The following BANK1 variants were observed in gnomAD, a reference collection of about 807,000 sequenced individuals.
BANK1 encodes B-cell scaffold protein with ankyrin repeats.
Under a neutral mutation model 94.5 loss-of-function variants are expected in BANK1, and 95 were observed. That is an observed-to-expected ratio of 1.00 (90% confidence interval 0.85 to 1.19). BANK1 has a LOEUF of 1.19. BANK1 is among the 50% of genes most tolerant of loss of function. BANK1 has a pLI of 0.00. For synonymous variants in BANK1, 334 were observed against 308.4 expected, an observed-to-expected ratio of 1.08 and a Z score of -0.87; for missense variants, 987 against 932.2, an observed-to-expected ratio of 1.06 and a Z score of -0.77.
At chr4:101,967,043 T>C (rs1317038655) in intron 7 of BANK1, among the ~76,000 whole-genome samples, 4 of 152,112 alleles carry the variant, frequency 2.6e-5, no homozygotes, top group African/African-American at 9.7e-5. Flanking sequence ...TTAGTCCAAT[T>C]TATTAATCGT....
chr4:101,892,821 C>T (rs1721926890), intron 5 of BANK1, among the ~76,000 whole-genome samples: 5 of 151,746 alleles, frequency 3.3e-5, no homozygotes, highest in Admixed American at 3.3e-4. Context: ...AATTTCAATG[C>T]CAATGTTTAG....
chr4:101,831,829 G>A (rs1378420348), intron 2 of BANK1, among the ~76,000 whole-genome samples: 1 of 152,120 alleles, frequency 6.6e-6, no homozygotes, highest in Non-Finnish European at 1.5e-5. Context: ...TATACATAAT[G>A]GTTATATCAG....
intron 1 of BANK1, among the ~76,000 whole-genome samples, chr4:101,807,312 G>A (rs1424495455): frequency 6.6e-6 from 1 of 152,094 alleles, no homozygotes; most frequent in East Asian, 1.9e-4. Flanking sequence ...AATCACTACT[G>A]CCATAAGTAG....
chr4:101,877,582 G>T (rs1016317202), intron 5 of BANK1, among the ~76,000 whole-genome samples: 1 of 151,852 alleles, frequency 6.6e-6, no homozygotes, highest in African/African-American at 2.4e-5. Context: ...TTGCTCGTAT[G>T]TTTGTTAGTA....
intron 5 of BANK1, among the ~76,000 whole-genome samples, chr4:101,894,378 G>A (rs1721991274): frequency 1.3e-5 from 2 of 151,918 alleles, no homozygotes; most frequent in South Asian, 2.1e-4. Context: ...TTCTTAGCAC[G>A]ACTTTCAAGA....
At chr4:101,907,609 C>A (rs1449435831) in intron 6 of BANK1, among the ~76,000 whole-genome samples, 1 of 152,170 alleles carries the variant, frequency 6.6e-6, no homozygotes, top group African/African-American at 2.4e-5. Context: ...AAGAGGAAGT[C>A]AAATTGTCCC....
chr4:101,936,268 C>A (rs1037572788), intron 7 of BANK1, among the ~76,000 whole-genome samples: 1 of 149,746 alleles, frequency 6.7e-6, no homozygotes, highest in African/African-American at 2.4e-5. Flanking sequence ...TACATGTATG[C>A]ATACATGTAT....
rs1721896929 is a variant in BANK1, at chr4:101,892,051, G to T, written c.904-3254G>T. ...TTACAATCAATTTGCGATCGTCCAG[G>T]TACTTCATATAAAAAGTGATTTTCT... On this transcript the variant is annotated intron_variant, in intron 5 of 16. Coordinates refer to ENST00000322953, the MANE Select transcript of BANK1 (RefSeq NM_017935.5). Among the ~76,000 whole-genome samples, 5 of 151,604 alleles carry T rather than the reference G, an allele frequency of 3.3e-5. No individual in the cohort carries two copies. The South Asian group carries it at 1.0e-3, about 32-fold the overall frequency.
chr4:102,018,670 A>G (rs1356607221), intron 7 of BANK1, among the ~76,000 whole-genome samples: 1 of 152,236 alleles, frequency 6.6e-6, no homozygotes, highest in Non-Finnish European at 1.5e-5. Context: ...TGTTCAGCTA[A>G]TAGATTCTGT....
intron 7 of BANK1, among the ~76,000 whole-genome samples, chr4:102,010,610 C>G (rs2148941819): frequency 6.6e-6 from 1 of 152,144 alleles, no homozygotes; most frequent in South Asian, 2.1e-4. Context: ...CCAGGCTGGT[C>G]TCGAACTCCT....
Position 102,032,500 on chromosome 4 carries a change from GTC to G in BANK1, c.1900+2239_1900+2240del, listed in dbSNP as rs1291091791. The G allele has an allele frequency of 3.9e-5, 6 of 152,018 alleles. 1 individual carries two copies. Among genetic ancestry groups the G allele is most frequent in the Admixed American group, 2.0e-4 (3 of 15,252 alleles). The allele number at this position is 152,018 out of a possible 1,614,324, so 9.4% of individuals were successfully genotyped here. ...TTACTTTTCCTTCTGCTCTCATATT[GTC>G]TCTGTTGTCTTTACTTGTTTGTTCT... On this transcript the variant is annotated intron_variant, in intron 10 of 16. Coordinates refer to ENST00000322953, the MANE Select transcript of BANK1 (RefSeq NM_017935.5).
At chr4:102,034,032 CT>C (rs34124429) in intron 10 of BANK1, among the ~76,000 whole-genome samples, 95,273 of 150,840 alleles carry the variant, frequency 0.63, 30,267 homozygotes, top group African/African-American at 0.7. Flanking sequence ...CACATCTTTC[CT>C]TTTTTTTTTC....
intron 5 of BANK1, among the ~76,000 whole-genome samples, chr4:101,874,832 C>A (rs1182369635): frequency 1.3e-5 from 2 of 152,178 alleles, no homozygotes; most frequent in Non-Finnish European, 2.9e-5. Context: ...GTATCTTTCA[C>A]ACAACTAGTT....
intron 7 of BANK1, among the ~76,000 whole-genome samples, chr4:101,923,237 T>G (rs1478864173): frequency 1.3e-5 from 2 of 151,862 alleles, no homozygotes; most frequent in Non-Finnish European, 2.9e-5. Context: ...TCATACCTTC[T>G]CTTTTCTTGC....
chr4:101,837,285 T>C (rs1212039760), intron 2 of BANK1, among the ~76,000 whole-genome samples: 1 of 152,214 alleles, frequency 6.6e-6, no homozygotes, highest in Non-Finnish European at 1.5e-5. Flanking sequence ...TTATTAAGGT[T>C]TGAAAAATTG....
At chr4:101,893,292 G>T (rs1181247346) in intron 5 of BANK1, among the ~76,000 whole-genome samples, 2 of 151,906 alleles carry the variant, frequency 1.3e-5, no homozygotes, top group African/African-American at 2.4e-5. Context: ...TCTCATCTGT[G>T]TTTTAGAGTC....
chr4:102,054,576 A>G (rs1284566824), intron 11 of BANK1, among the ~76,000 whole-genome samples: 1 of 152,052 alleles, frequency 6.6e-6, no homozygotes, highest in Admixed American at 6.5e-5. Context: ...GAAAAACTCC[A>G]CCTCTATCTT....
At chr4:101,795,025 A>G (rs1725106963) in intron 1 of BANK1, among the ~76,000 whole-genome samples, 1 of 150,776 alleles carries the variant, frequency 6.6e-6, no homozygotes, top group South Asian at 2.1e-4. Context: ...GTATAAGAAC[A>G]GTCTCTGACT....
At chr4:101,997,729 C>T (rs1725928733) in intron 7 of BANK1, among the ~76,000 whole-genome samples, 2 of 152,112 alleles carry the variant, frequency 1.3e-5, no homozygotes, top group African/African-American at 4.8e-5. Context: ...ATAGTATTCT[C>T]TGATGGTAGT....
Sources: allele counts gnomAD v4.1 joint callset (sites outside exome capture counted in the v4.1 genomes callset), GRCh38; gene constraint gnomAD v4.1.1; transcripts MANE v1.5; gene names NCBI Gene and HGNC (gene_info 2026-07-23, HGNC 2026-07-21).